STPG2: variants seen among roughly 807,000 people sequenced by gnomAD.
The protein encoded by STPG2 is sperm-tail PG-rich repeat-containing protein 2.
Under a neutral mutation model 54.2 loss-of-function variants are expected in STPG2, and 56 were observed. The ratio of observed to expected loss-of-function variants is 1.03; its 90% CI spans 0.83 to 1.29. STPG2 has a LOEUF of 1.29. STPG2 is among the 50% of genes most tolerant of loss of function. The probability of loss-of-function intolerance (pLI) is 0.00; values close to 1 mark genes in which losing one functional copy is unlikely to be tolerated. For missense variants in STPG2, 596 were observed against 544.9 expected, an observed-to-expected ratio of 1.09 and a Z score of -0.93; for synonymous variants, 200 against 181.8, an observed-to-expected ratio of 1.10 and a Z score of -0.81.
chr4:97,690,628 GAGAA>G (rs1723334537), intron 10 of STPG2, among the ~76,000 whole-genome samples: 1 of 152,134 alleles, frequency 6.6e-6, no homozygotes, highest in African/African-American at 2.4e-5. Flanking sequence ...ACTCACTCGG[GAGAA>G]AGAGAGTTTA....
intron 4 of STPG2, among the ~76,000 whole-genome samples, chr4:97,450,614 A>G (rs146484527): frequency 1.1e-4 from 17 of 151,894 alleles, no homozygotes; most frequent in African/African-American, 4.1e-4. Context: ...CTCAAAGATC[A>G]ACACAGGCAA....
intron 5 of STPG2, among the ~76,000 whole-genome samples, chr4:98,051,334 T>C (rs1451735126): frequency 6.6e-6 from 1 of 152,180 alleles, no homozygotes; most frequent in African/African-American, 2.4e-5. Context: ...GATCACAAAA[T>C]GAAGGTTTTT....
At chr4:97,732,226 C>T (rs1162844263) in intron 9 of STPG2, among the ~76,000 whole-genome samples, 1 of 152,150 alleles carries the variant, frequency 6.6e-6, no homozygotes, top group African/African-American at 2.4e-5. Flanking sequence ...CTGGAGCTCT[C>T]CCTCCATCTC....
At chr4:98,094,194 T>C (rs1738776051) in intron 5 of STPG2, among the ~76,000 whole-genome samples, 1 of 152,046 alleles carries the variant, frequency 6.6e-6, no homozygotes. Flanking sequence ...GGACTTTGGA[T>C]AGAGTATTGA....
At chr4:98,028,119 C>T (rs1350259907) in intron 5 of STPG2, among the ~76,000 whole-genome samples, 1 of 152,150 alleles carries the variant, frequency 6.6e-6, no homozygotes, top group Non-Finnish European at 1.5e-5. Flanking sequence ...AATACTCTGG[C>T]TCTAGATCCT....
chr4:97,923,882 C>T (rs1221816273), intron 8 of STPG2, among the ~76,000 whole-genome samples: 1 of 152,168 alleles, frequency 6.6e-6, no homozygotes, highest in Non-Finnish European at 1.5e-5. Context: ...GACCAATCAG[C>T]TCTCTGTAAA....
chr4:98,025,320 A>G (rs1736378723), intron 5 of STPG2: 1 of 207,288 alleles, frequency 4.8e-6, no homozygotes, highest in Non-Finnish European at 9.9e-6. Context: ...GCTGACTAAT[A>G]AAAGGAGTGT....
At chr4:97,601,502 T>C (rs190531202) in intron 10 of STPG2, among the ~76,000 whole-genome samples, 32 of 152,088 alleles carry the variant, frequency 2.1e-4, no homozygotes, top group Non-Finnish European at 3.1e-4. Flanking sequence ...GTATGGGTGA[T>C]TGAATTTTTT....
intron 5 of STPG2, among the ~76,000 whole-genome samples, chr4:98,017,314 C>G (rs1460516151): frequency 6.6e-6 from 1 of 152,248 alleles, no homozygotes; most frequent in Non-Finnish European, 1.5e-5. Flanking sequence ...GTACTGGAGC[C>G]TGTACCCACT....
chr4:98,023,648 C>A (rs1467295241), intron 5 of STPG2, among the ~76,000 whole-genome samples: 1 of 152,214 alleles, frequency 6.6e-6, no homozygotes, highest in Non-Finnish European at 1.5e-5. Context: ...CCTACAGAGG[C>A]AGGCAGGCCT....
intron 2 of STPG2, among the ~76,000 whole-genome samples, chr4:98,132,786 G>A (rs1740034929): frequency 6.6e-6 from 1 of 151,852 alleles, no homozygotes; most frequent in African/African-American, 2.4e-5. Flanking sequence ...AATTATAGTT[G>A]TCAGTTTTAA....
intron 5 of STPG2, among the ~76,000 whole-genome samples, chr4:98,024,107 A>C (rs983578462): frequency 1.3e-5 from 2 of 152,052 alleles, no homozygotes; most frequent in Non-Finnish European, 2.9e-5. Flanking sequence ...TGCAGAAATC[A>C]CCTGTCTTCT....
rs570136849 is a variant in STPG2 at position 97,566,349 on chromosome 4, T to C, written c.1321-7232A>G. 6.6e-5 allele frequency among the ~76,000 whole-genome samples: 10 copies of C among 152,258 alleles called. No homozygotes were observed. The South Asian group carries it at 2.1e-3, about 32-fold the overall frequency. The stretch of plus-strand genomic sequence containing the variant: ...CCAGGTGCCGTCTGTTACCCCTTTC[T>C]TTGACTAGGAAAGGGAACTCCCTGT... On this transcript the variant is annotated intron_variant, in intron 10 of 10. Coordinates refer to ENST00000295268, the MANE Select transcript of STPG2 (RefSeq NM_174952.3).
rs529797624 is a variant in STPG2, at chr4:98,058,395, A to G, written c.612+47558T>C. ...ACCAAACAAATGGAAAACAGAAGAAAGCAGGGGTTGCAATCCTAATTTCAG... is the reference window on the plus strand; with the variant it reads ...ACCAAACAAATGGAAAACAGAAGAAGGCAGGGGTTGCAATCCTAATTTCAG... On this transcript the variant is annotated intron_variant, in intron 5 of 10. Coordinates refer to ENST00000295268, the MANE Select transcript of STPG2 (RefSeq NM_174952.3). Among the ~76,000 whole-genome samples, 6 of 152,328 alleles carry G rather than the reference A, an allele frequency of 3.9e-5. No homozygotes were observed. The South Asian group carries it at 1.0e-3, about 26-fold the overall frequency.
intron 10 of STPG2, among the ~76,000 whole-genome samples, chr4:97,604,059 G>A (rs553241977): frequency 2.6e-5 from 4 of 151,710 alleles, no homozygotes; most frequent in African/African-American, 9.6e-5. Context: ...CTTTATATGG[G>A]AAAATCTTTT....
intron 5 of STPG2, among the ~76,000 whole-genome samples, chr4:98,086,817 C>T (rs1738533073): frequency 6.6e-6 from 1 of 152,128 alleles, no homozygotes; most frequent in Non-Finnish European, 1.5e-5. Flanking sequence ...CCCATTCTTT[C>T]CCTGCTCCTC....
chr4:97,648,898 C>T (rs1398685121), intron 10 of STPG2, among the ~76,000 whole-genome samples: 7 of 152,276 alleles, frequency 4.6e-5, no homozygotes, highest in Admixed American at 4.6e-4. Context: ...TCAGGTCAAG[C>T]TCCCATTACT....
chr4:97,495,724 A>C (rs1251489721), intron 4 of STPG2, among the ~76,000 whole-genome samples: 8 of 150,676 alleles, frequency 5.3e-5, no homozygotes, highest in East Asian at 3.9e-4. Context: ...AAAAAAAAAA[A>C]AACACAGAAC....
Position 97,635,031 on chromosome 4 carries a change from A to T in STPG2, c.1321-75914T>A, listed in dbSNP as rs540868843. ...CTCCAGAAGAGCAACTCCAAGACAC[A>T]TAATTGTCAGATTCACCAAAGTTGA... On this transcript the variant is annotated intron_variant, in intron 10 of 10. Coordinates refer to ENST00000295268, the MANE Select transcript of STPG2 (RefSeq NM_174952.3). 3.2e-4 allele frequency among the ~76,000 whole-genome samples: 48 copies of T among 152,246 alleles called. No homozygotes were observed. The South Asian group carries it at 1.0e-2, about 32-fold the overall frequency.
Sources: gnomAD v4.1 joint callset for allele counts (sites outside exome capture counted in the v4.1 genomes callset) on GRCh38, gnomAD v4.1.1 for gene constraint, MANE v1.5 for transcripts, NCBI Gene and HGNC (gene_info 2026-07-23, HGNC 2026-07-21) for gene names.